Variants in FSTL5 observed in about 807,000 individuals in gnomAD.
FSTL5 encodes follistatin-related protein 5.
FSTL5 carries 62 observed loss-of-function variants against 89.1 expected under a neutral mutation model. The ratio of observed to expected loss-of-function variants is 0.70; its 90% CI spans 0.57 to 0.86. The LOEUF (loss-of-function observed/expected upper bound fraction) is 0.86, where lower values mean the gene tolerates loss of function less well. FSTL5 is among the 40% of genes least tolerant of loss of function. FSTL5 has a pLI of 0.00. For missense variants in FSTL5, 1,057 were observed against 1,001.6 expected (o/e 1.06, Z -0.75); for synonymous variants, 383 against 346.2 (o/e 1.11, Z -1.18).
intron 4 of FSTL5, among the ~76,000 whole-genome samples, chr4:161,911,793 C>T (rs1733700981): frequency 6.6e-6 from 1 of 152,192 alleles, no homozygotes; most frequent in East Asian, 1.9e-4. Context: ...CTTTGCTTAA[C>T]CTATGTGAAA....
At chr4:161,933,217 C>A (rs1226405325) in intron 3 of FSTL5, among the ~76,000 whole-genome samples, 1 of 152,016 alleles carries the variant, frequency 6.6e-6, no homozygotes, top group Non-Finnish European at 1.5e-5. Context: ...CTGGTCTTTG[C>A]CGGTTTTCTC....
chr4:161,635,411 A>G (rs745825632), intron 7 of FSTL5, among the ~76,000 whole-genome samples: 2 of 151,984 alleles, frequency 1.3e-5, no homozygotes, highest in Non-Finnish European at 2.9e-5. Context: ...AAACAAAATT[A>G]TATCTACCTG....
chr4:161,390,597 C>T (rs181258164), intron 15 of FSTL5, among the ~76,000 whole-genome samples: 145 of 152,152 alleles, frequency 9.5e-4, no homozygotes, highest in African/African-American at 3.2e-3. Context: ...GCACTTGCCA[C>T]GTTACAATGC....
intron 3 of FSTL5, among the ~76,000 whole-genome samples, chr4:161,984,667 T>G (rs1256773082): frequency 6.6e-6 from 1 of 152,138 alleles, no homozygotes. Context: ...TCCATTATTT[T>G]TAATTTACTT....
At chr4:161,435,886 C>A (rs1313458488) in intron 15 of FSTL5, among the ~76,000 whole-genome samples, 1 of 152,046 alleles carries the variant, frequency 6.6e-6, no homozygotes, top group African/African-American at 2.4e-5. Context: ...AACAACTGGA[C>A]TTCCCCCCAA....
chr4:161,521,870 A>G (rs914255950), intron 10 of FSTL5, among the ~76,000 whole-genome samples: 1 of 150,690 alleles, frequency 6.6e-6, no homozygotes, highest in East Asian at 1.9e-4. Flanking sequence ...AAAAAGAAAA[A>G]AAAAGAAAAA....
chr4:161,640,431 A>C (rs1735912452), intron 7 of FSTL5, among the ~76,000 whole-genome samples: 1 of 152,206 alleles, frequency 6.6e-6, no homozygotes, highest in Non-Finnish European at 1.5e-5. Context: ...CGTGAAGAAA[A>C]GCATGTATAA....
At chr4:161,526,839 G>T (rs964462515) in intron 10 of FSTL5, among the ~76,000 whole-genome samples, 4 of 152,096 alleles carry the variant, frequency 2.6e-5, no homozygotes, top group African/African-American at 9.7e-5. Flanking sequence ...ATGCTGTTTT[G>T]GTTACTGTAG....
chr4:161,833,424 C>T (rs1730916829), intron 4 of FSTL5, among the ~76,000 whole-genome samples: 1 of 128,826 alleles, frequency 7.8e-6, no homozygotes, highest in African/African-American at 2.8e-5. Flanking sequence ...GAGTTCAATT[C>T]CTGGGTATCC....
At chr4:161,428,930 TTTGGATTCTAGATTTTGGCCC>T (rs2126334265) in intron 15 of FSTL5, among the ~76,000 whole-genome samples, 1 of 151,466 alleles carries the variant, frequency 6.6e-6, no homozygotes, top group East Asian at 2.0e-4. Context: ...GCTCTTGAGG[TTTGGATTCTAGATTTTGGCCC>T]TTGGATGACA....
chr4:161,755,826 C>T (rs938724878), intron 6 of FSTL5, among the ~76,000 whole-genome samples: 3 of 152,012 alleles, frequency 2.0e-5, no homozygotes, highest in East Asian at 3.9e-4. Context: ...TAGTGTTATA[C>T]ATTTTTTATT....
chr4:162,131,892 G>A (rs1387045065), intron 1 of FSTL5, among the ~76,000 whole-genome samples: 1 of 152,306 alleles, frequency 6.6e-6, no homozygotes, highest in Non-Finnish European at 1.5e-5. Context: ...GAGAGTGTTC[G>A]ATAAAAGTTC....
At chr4:161,848,036 C>CAAAAAAAAAAAA (rs139315536) in intron 4 of FSTL5, among the ~76,000 whole-genome samples, 3 of 48,222 alleles carry the variant, frequency 6.2e-5, no homozygotes, top group African/African-American at 9.1e-5. Flanking sequence ...GACTCCGTCT[C>CAAAAAAAAAAAA]AAAAAAAAAA....
chr4:161,654,722 A>G (rs1419321604), intron 7 of FSTL5, among the ~76,000 whole-genome samples: 1 of 152,150 alleles, frequency 6.6e-6, no homozygotes, highest in Non-Finnish European at 1.5e-5. Context: ...AGCAGCCAAG[A>G]TTAAGAGGAA....
intron 4 of FSTL5, among the ~76,000 whole-genome samples, chr4:161,891,127 C>G (rs1323112880): frequency 6.6e-6 from 1 of 152,094 alleles, no homozygotes; most frequent in African/African-American, 2.4e-5. Context: ...TTCCAGTTGT[C>G]AACTATGTAT....
intron 7 of FSTL5, among the ~76,000 whole-genome samples, chr4:161,639,337 T>C (rs987637166): frequency 2.6e-4 from 40 of 152,208 alleles, no homozygotes; most frequent in Non-Finnish European, 4.4e-4. Context: ...TCACTTTGCA[T>C]AAGCTACCTA....
chr4:162,036,139 G>T (rs72980613), intron 2 of FSTL5, among the ~76,000 whole-genome samples: 7 of 151,984 alleles, frequency 4.6e-5, no homozygotes, highest in Middle Eastern at 3.4e-3. Context: ...CTTAAGTCTC[G>T]TTCTATTGCT....
chr4:161,920,516 A>G lies in FSTL5; in HGVS notation c.297T>C (p.Pro99=). The G allele has an allele frequency of 6.2e-7, 1 of 1,614,056 alleles. No homozygotes were observed. The highest frequency in any genetic ancestry group is 8.5e-7 in the Non-Finnish European group (1 of 1,180,002). ...AGAATTCTCCGTCAGATCCACACAC[A>G]GGTTTGTAGTGACGTTTGCAAAGGT... ...CMDLCKRHYK[P]VCGSDGEFYE... Residue 99 remains proline, a synonymous_variant, in exon 4 of 16, where the codon CCT becomes CCC. Transcript: ENST00000306100.
At chr4:161,543,298 G>A (rs922745425) in intron 8 of FSTL5, among the ~76,000 whole-genome samples, 2 of 151,968 alleles carry the variant, frequency 1.3e-5, no homozygotes, top group East Asian at 3.9e-4. Context: ...TAAATCCGAA[G>A]ACACTTTGTA....
Sources: gnomAD v4.1 joint callset for allele counts (sites outside exome capture counted in the v4.1 genomes callset) on GRCh38, gnomAD v4.1.1 for gene constraint, MANE v1.5 for transcripts, NCBI Gene and HGNC (gene_info 2026-07-23, HGNC 2026-07-21) for gene names.